Variants in SNX8 observed in about 807,000 individuals in gnomAD.
SNX8 encodes sorting nexin-8.
A neutral mutation model predicts 51.6 loss-of-function variants in SNX8; 25 were observed. The observed-to-expected ratio is 0.48, with a 90% CI of 0.35 to 0.68. SNX8 has a LOEUF of 0.68. Ranked by LOEUF, SNX8 falls within the 30% of genes least tolerant of loss-of-function variation. The probability of loss-of-function intolerance (pLI) is 0.00; values close to 1 mark genes in which losing one functional copy is unlikely to be tolerated. For missense variants in SNX8, 695 were observed against 624.0 expected (o/e 1.11, Z -1.21); for synonymous variants, 324 against 277.0 (o/e 1.17, Z -1.68).
intron 1 of SNX8, among the ~76,000 whole-genome samples, chr7:2,329,392 G>A (rs919996015): frequency 6.6e-6 from 1 of 152,232 alleles, no homozygotes; most frequent in Non-Finnish European, 1.5e-5. Flanking sequence ...CCCACAGTCA[G>A]CACCCTATTG....
chr7:2,302,425 G>GT (rs1796419538), intron 1 of SNX8, among the ~76,000 whole-genome samples: 1 of 152,248 alleles, frequency 6.6e-6, no homozygotes, highest in Admixed American at 6.5e-5. Context: ...CCAGGCTGGA[G>GT]TGCAGTGGTG....
At chr7:2,267,733 C>T (rs1795506317) in intron 5 of SNX8, among the ~76,000 whole-genome samples, 1 of 146,062 alleles carries the variant, frequency 6.8e-6, no homozygotes, top group Admixed American at 6.8e-5. Flanking sequence ...CCGGCCGCCA[C>T]CCCGTCTGGG....
chr7:2,353,630 C>T (rs574055345), intron 1 of SNX8, among the ~76,000 whole-genome samples: 10 of 152,114 alleles, frequency 6.6e-5, no homozygotes, highest in Admixed American at 5.2e-4. Flanking sequence ...GCATCAAGTA[C>T]ATTCACCATG....
intron 1 of SNX8, among the ~76,000 whole-genome samples, chr7:2,285,189 G>A (rs1042667586): frequency 2.1e-5 from 3 of 143,676 alleles, no homozygotes; most frequent in Non-Finnish European, 3.0e-5. Flanking sequence ...TCCAGCCTGG[G>A]TGACAGAGCA....
At chr7:2,340,806 G>C (rs914074788) in intron 1 of SNX8, among the ~76,000 whole-genome samples, 1 of 136,004 alleles carries the variant, frequency 7.4e-6, no homozygotes, top group African/African-American at 2.7e-5. Context: ...GCAGTGACCC[G>C]AGGTTGCGCC....
chr7:2,320,763 G>A (rs944459798), intron 1 of SNX8, among the ~76,000 whole-genome samples: 7 of 151,900 alleles, frequency 4.6e-5, no homozygotes, highest in African/African-American at 1.5e-4. Context: ...GCTCACGCCT[G>A]TAATCCCAGC....
At chr7:2,274,125 G>A (rs952543018) in intron 3 of SNX8, among the ~76,000 whole-genome samples, 4 of 152,206 alleles carry the variant, frequency 2.6e-5, no homozygotes, top group Non-Finnish European at 4.4e-5. Context: ...CATCCCTGTC[G>A]CGTCCTCTGC....
chr7:2,331,162 G>A (rs1365705391), intron 1 of SNX8, among the ~76,000 whole-genome samples: 5 of 138,318 alleles, frequency 3.6e-5, no homozygotes, highest in Non-Finnish European at 6.1e-5. Flanking sequence ...CTCCAGCCTG[G>A]CGACAGAGCG....
chr7:2,344,095 T>C (rs906049447), intron 1 of SNX8, among the ~76,000 whole-genome samples: 2 of 151,272 alleles, frequency 1.3e-5, no homozygotes, highest in Non-Finnish European at 2.9e-5. Context: ...TCCCAGCTAT[T>C]TGGGTGGCTG....
intron 1 of SNX8, among the ~76,000 whole-genome samples, chr7:2,280,468 ACT>A (rs1348707001): frequency 6.7e-6 from 1 of 150,236 alleles, no homozygotes; most frequent in East Asian, 2.0e-4. Flanking sequence ...GGCAACAGAG[ACT>A]CTGTCTCAAA....
chr7:2,314,850 G>T (rs892020885), upstream of SNX8, among the ~76,000 whole-genome samples: 13 of 151,996 alleles, frequency 8.6e-5, no homozygotes, highest in African/African-American at 3.1e-4. Flanking sequence ...CCACTCATTC[G>T]CTCACCCACG....
chr7:2,351,905 GT>G (rs748043966), intron 1 of SNX8, among the ~76,000 whole-genome samples: 85 of 88,332 alleles, frequency 9.6e-4, no homozygotes, highest in African/African-American at 1.9e-3. Flanking sequence ...GTTGTTGTTG[GT>G]TTTTTTTTTT....
At chr7:2,264,491 T>A in intron 5 of SNX8, 33 bp from the exon 6 acceptor site, 10 of 1,590,914 alleles carry the variant, frequency 6.3e-6, no homozygotes, top group Non-Finnish European at 8.6e-6. Flanking sequence ...GACACTGTGT[T>A]AGTCGCTGGG....
At chr7:2,279,623 C>G (rs1795864920) in intron 1 of SNX8, among the ~76,000 whole-genome samples, 1 of 151,982 alleles carries the variant, frequency 6.6e-6, no homozygotes, top group African/African-American at 2.4e-5. Flanking sequence ...TGGTGGCTCA[C>G]TGGCTAATTT....
At chr7:2,289,490 AG>A (rs1220599115) in intron 1 of SNX8, among the ~76,000 whole-genome samples, 2 of 152,152 alleles carry the variant, frequency 1.3e-5, no homozygotes, top group African/African-American at 4.8e-5. Flanking sequence ...CCCTCATTCC[AG>A]GAGGACTGTG....
At chr7:2,300,488 C>T (rs187545799) in intron 1 of SNX8, among the ~76,000 whole-genome samples, 249 of 152,250 alleles carry the variant, frequency 1.6e-3, no homozygotes, top group Admixed American at 5.6e-3. Context: ...TCTTAGCTCA[C>T]TGTAGCCTCA....
At chr7:2,333,173 C>G (rs1778770081) in intron 1 of SNX8, among the ~76,000 whole-genome samples, 1 of 151,826 alleles carries the variant, frequency 6.6e-6, no homozygotes, top group Non-Finnish European at 1.5e-5. Context: ...CTCAGCCTCC[C>G]AAAGTGCTGG....
chr7:2,257,325 A>G (rs1328272356), intron 9 of SNX8, 40 bp downstream of exon 9: 1 of 1,585,666 alleles, frequency 6.3e-7, no homozygotes, highest in Non-Finnish European at 8.5e-7. Flanking sequence ...CCGGGAGGGG[A>G]AAGGCTCCCA....
chr7:2,327,920 C>T (rs1038049135), intron 1 of SNX8, among the ~76,000 whole-genome samples: 3 of 151,368 alleles, frequency 2.0e-5, no homozygotes, highest in Non-Finnish European at 4.4e-5. Flanking sequence ...TGGAGTGCAG[C>T]GGCACGATCA....
Sources: gnomAD v4.1 joint callset for allele counts (sites outside exome capture counted in the v4.1 genomes callset) on GRCh38, gnomAD v4.1.1 for gene constraint, MANE v1.5 for transcripts, NCBI Gene and HGNC (gene_info 2026-07-23, HGNC 2026-07-21) for gene names.